The following SERPINI1 variants were observed in gnomAD, a reference collection of about 807,000 sequenced individuals.
SERPINI1 encodes the protein serpin family I member 1.
SERPINI1 carries 19 observed loss-of-function variants against 41.1 expected under a neutral mutation model. The ratio of observed to expected loss-of-function variants is 0.46; its 90% CI spans 0.32 to 0.68. SERPINI1 has a LOEUF of 0.68. Ranked by LOEUF, SERPINI1 falls within the 30% of genes least tolerant of loss-of-function variation. SERPINI1 has a pLI of 0.03. For missense variants in SERPINI1, 460 were observed against 479.2 expected (o/e 0.96, Z 0.37); for synonymous variants, 138 against 156.6 (o/e 0.88, Z 0.89).
chr3:167,736,000 TTGACTC>T (rs1725405308), intron 1 of SERPINI1, 177 bp downstream of exon 1: 1 of 152,172 alleles, frequency 6.6e-6, no homozygotes, highest in Non-Finnish European at 1.5e-5. Context: ...AAAAGGAAGC[TTGACTC>T]TGGGTATAAA....
At chr3:167,822,896 T>C (rs950102605) in intron 6 of SERPINI1, 90 bp from the exon 7 acceptor site, 1 of 752,626 alleles carries the variant, frequency 1.3e-6, no homozygotes, top group African/African-American at 1.7e-5. Context: ...TATCCCAGTC[T>C]CTTAGATCTC....
At chr3:167,768,566 T>A (rs1165675128) in intron 1 of SERPINI1, among the ~76,000 whole-genome samples, 1 of 152,216 alleles carries the variant, frequency 6.6e-6, no homozygotes, top group African/African-American at 2.4e-5. Context: ...TCATGCATTA[T>A]TTGTGTTTTA....
intron 1 of SERPINI1, among the ~76,000 whole-genome samples, chr3:167,744,330 G>A (rs997272265): frequency 1.2e-4 from 18 of 151,716 alleles, no homozygotes; most frequent in Admixed American, 5.3e-4. Context: ...TTTATTAAAC[G>A]TTAGGTTTTA....
At chr3:167,798,833 A>C (rs1158303417) in intron 5 of SERPINI1, among the ~76,000 whole-genome samples, 2 of 152,134 alleles carry the variant, frequency 1.3e-5, no homozygotes, top group East Asian at 3.9e-4. Flanking sequence ...ACTGAGGATG[A>C]CTAGAGGAGG....
chr3:167,807,146 T>C (rs1711676822), intron 5 of SERPINI1, 98 bp from the exon 6 acceptor site: 1 of 867,028 alleles, frequency 1.2e-6, no homozygotes, highest in African/African-American at 1.7e-5. Flanking sequence ...TTACTCTCCA[T>C]AAAGCAGACT....
chr3:167,793,775 T>A (rs1191610402), intron 4 of SERPINI1, among the ~76,000 whole-genome samples: 1 of 150,306 alleles, frequency 6.7e-6, no homozygotes, highest in Non-Finnish European at 1.5e-5. Flanking sequence ...CATACAGGTT[T>A]TATATGTAGA....
At chr3:167,746,880 C>T (rs907403390) in intron 1 of SERPINI1, among the ~76,000 whole-genome samples, 3 of 152,124 alleles carry the variant, frequency 2.0e-5, no homozygotes, top group Non-Finnish European at 4.4e-5. Context: ...AGCCATTCTT[C>T]AAAATATTAG....
chr3:167,760,658 TA>T (rs1372128682), intron 1 of SERPINI1, among the ~76,000 whole-genome samples: 2 of 151,816 alleles, frequency 1.3e-5, no homozygotes, highest in African/African-American at 4.8e-5. Context: ...ATGGGTTGTT[TA>T]AGTGGAACAT....
intron 1 of SERPINI1, among the ~76,000 whole-genome samples, chr3:167,762,661 T>C (rs1456445828): frequency 1.3e-5 from 2 of 152,154 alleles, no homozygotes. Context: ...ACCTTCCTCC[T>C]TGAAACCTTT....
intron 1 of SERPINI1, among the ~76,000 whole-genome samples, chr3:167,761,048 T>G (rs1009450900): frequency 2.0e-5 from 3 of 152,128 alleles, no homozygotes; most frequent in Non-Finnish European, 4.4e-5. Context: ...TAACCTAACC[T>G]AGAGAGGGAG....
chr3:167,799,528 A>C (rs541805680), intron 5 of SERPINI1, among the ~76,000 whole-genome samples: 3 of 152,266 alleles, frequency 2.0e-5, no homozygotes, highest in Non-Finnish European at 2.9e-5. Flanking sequence ...TTTATAGTAG[A>C]ATGATTTATA....
intron 1 of SERPINI1, among the ~76,000 whole-genome samples, chr3:167,741,088 T>C (rs577917910): frequency 6.6e-6 from 1 of 152,288 alleles, no homozygotes. Flanking sequence ...AGACTTGGCA[T>C]TGACAGTGCT....
At chr3:167,808,645 A>C (rs1216395101) in intron 6 of SERPINI1, among the ~76,000 whole-genome samples, 1 of 152,186 alleles carries the variant, frequency 6.6e-6, no homozygotes, top group East Asian at 1.9e-4. Context: ...TAGTTTTCTT[A>C]GCCTGAAGCA....
intron 1 of SERPINI1, among the ~76,000 whole-genome samples, chr3:167,770,902 A>G (rs11927064): frequency 0.13 from 19,479 of 152,104 alleles, 1,511 homozygotes; most frequent in African/African-American, 0.21. Context: ...CACCATCTGG[A>G]CCTTGCTGAT....
chr3:167,791,459 A>C (rs1727507191), intron 3 of SERPINI1, among the ~76,000 whole-genome samples: 1 of 152,186 alleles, frequency 6.6e-6, no homozygotes, highest in Admixed American at 6.5e-5. Flanking sequence ...ATACAGAGCA[A>C]ATTTTTGTCA....
intron 1 of SERPINI1, among the ~76,000 whole-genome samples, chr3:167,767,417 T>C (rs1726603048): frequency 2.0e-5 from 3 of 152,178 alleles, no homozygotes; most frequent in Admixed American, 2.0e-4. Flanking sequence ...TACATGGAGA[T>C]TAATGTTGTC....
chr3:167,739,343 C>G (rs1725591754), intron 1 of SERPINI1, among the ~76,000 whole-genome samples: 1 of 152,168 alleles, frequency 6.6e-6, no homozygotes, highest in African/African-American at 2.4e-5. Flanking sequence ...CACATTGAGA[C>G]AGTTTGCGCT....
chr3:167,784,540 A>T lies in SERPINI1; in HGVS notation c.-18-4571A>T, dbSNP rs548151295. 1.6e-4 allele frequency among the ~76,000 whole-genome samples: 25 copies of T among 152,344 alleles called. No homozygotes were observed. In the South Asian group the frequency reaches 5.0e-3, roughly 30 times the overall value. ...AAGGAAAGAGGTTTAATTGACTCACAGTTCCACATTGCTAGGGAGGCCTCA... is the reference window on the plus strand; with the variant it reads ...AAGGAAAGAGGTTTAATTGACTCACTGTTCCACATTGCTAGGGAGGCCTCA... On this transcript the variant is annotated intron_variant, in intron 1 of 8. Transcript: ENST00000446050.
rs149067133 is a variant in SERPINI1 at position 167,789,478 on chromosome 3, A to G, written c.250+100A>G. On this transcript the variant is annotated intron_variant, in intron 2 of 8. Coordinates refer to ENST00000446050, the MANE Select transcript of SERPINI1 (RefSeq NM_001122752.2). ...AGACACAGCAATATTTACACAGGGT[A>G]AAAAACAATCTCATTGAAATGGTAT... The G allele has an allele frequency of 9.5e-4, 1,326 of 1,395,500 alleles. 18 individuals carry two copies. In the East Asian group the frequency reaches 0.024, roughly 26 times the overall value. The allele number at this position is 1,395,500 out of a possible 1,614,324, so 86.4% of individuals were successfully genotyped here.
Sources: gnomAD v4.1 joint callset for allele counts (sites outside exome capture counted in the v4.1 genomes callset) on GRCh38, gnomAD v4.1.1 for gene constraint, MANE v1.5 for transcripts, NCBI Gene and HGNC (gene_info 2026-07-23, HGNC 2026-07-21) for gene names.